The following ADAMTS12 variants were observed in gnomAD, a reference collection of about 807,000 sequenced individuals.
The protein encoded by ADAMTS12 is A disintegrin and metalloproteinase with thrombospondin motifs 12.
A neutral mutation model predicts 167.8 loss-of-function variants in ADAMTS12; 118 were observed. The observed-to-expected ratio is 0.70, with a 90% CI of 0.61 to 0.82. The LOEUF is 0.82. ADAMTS12 is among the 40% of genes least tolerant of loss of function. ADAMTS12 has a pLI of 0.00. For synonymous variants in ADAMTS12, 704 were observed against 716.9 expected, an observed-to-expected ratio of 0.98 and a Z score of 0.29; for missense variants, 1,916 against 1,998.8, an observed-to-expected ratio of 0.96 and a Z score of 0.79.
At chr5:33,601,666 T>C (rs73080338) in intron 16 of ADAMTS12, among the ~76,000 whole-genome samples, 2,828 of 152,238 alleles carry the variant, frequency 0.019, 96 homozygotes, top group African/African-American at 0.064. Context: ...ACATTGACAT[T>C]GACTTCAATA....
intron 17 of ADAMTS12, among the ~76,000 whole-genome samples, chr5:33,592,194 A>T (rs1747677922): frequency 6.6e-6 from 1 of 152,094 alleles, no homozygotes; most frequent in Admixed American, 6.6e-5. Flanking sequence ...GCGCCATTGC[A>T]CTCCAGCCCG....
At chr5:33,815,495 C>G (rs982077704) in intron 2 of ADAMTS12, among the ~76,000 whole-genome samples, 3 of 152,216 alleles carry the variant, frequency 2.0e-5, no homozygotes, top group Non-Finnish European at 4.4e-5. Context: ...CCTGACCATC[C>G]TGGTGCCCTG....
intron 13 of ADAMTS12, among the ~76,000 whole-genome samples, chr5:33,628,509 T>A (rs1417926083): frequency 6.6e-6 from 1 of 152,178 alleles, no homozygotes; most frequent in Non-Finnish European, 1.5e-5. Flanking sequence ...GACAATAGAA[T>A]CTGCAACTCT....
At chr5:33,587,506 G>A (rs111469393) in intron 18 of ADAMTS12, among the ~76,000 whole-genome samples, 3 of 152,252 alleles carry the variant, frequency 2.0e-5, no homozygotes, top group African/African-American at 7.2e-5. Flanking sequence ...CTAGGCTGGA[G>A]TACAGTGGCA....
In ADAMTS12 at chr5:33,524,647, A is replaced by G. The variant is rs1171569425; in HGVS notation, c.*2541T>C. The G allele has an allele frequency of 1.3e-5, 2 of 152,236 alleles. No individual in the cohort carries two copies. The highest frequency in any genetic ancestry group is 2.4e-5 in the African/African-American group (1 of 41,474). The allele number at this position is 152,236 out of a possible 1,614,324, so 9.4% of individuals were successfully genotyped here. A position where few individuals can be genotyped will look rare whatever the true frequency, so the allele number is the denominator to read the frequency against. On this transcript the variant is annotated 3_prime_UTR_variant, in exon 24 of 24. Coordinates refer to ENST00000504830, the MANE Select transcript of ADAMTS12 (RefSeq NM_030955.4). ...CCTCTTGTACAGCAAGCACTGGGACATGTCAAAATACTGACGACTCATCAC... is the reference window on the plus strand; with the variant it reads ...CCTCTTGTACAGCAAGCACTGGGACGTGTCAAAATACTGACGACTCATCAC...
At chr5:33,882,936 T>C (rs1750503906) in intron 1 of ADAMTS12, among the ~76,000 whole-genome samples, 1 of 152,226 alleles carries the variant, frequency 6.6e-6, no homozygotes, top group Admixed American at 6.5e-5. Context: ...TCAGTTGTAG[T>C]TTTGCACTTT....
At chr5:33,586,824 T>C (rs1747376542) in intron 18 of ADAMTS12, among the ~76,000 whole-genome samples, 1 of 152,200 alleles carries the variant, frequency 6.6e-6, no homozygotes. Flanking sequence ...ATGCCGTGAT[T>C]ATACTCTCCC....
chr5:33,784,700 A>G (rs1579933241), intron 2 of ADAMTS12, among the ~76,000 whole-genome samples: 1 of 152,144 alleles, frequency 6.6e-6, no homozygotes, highest in South Asian at 2.1e-4. Context: ...AAGAATTTCT[A>G]AATAGTTAGA....
At chr5:33,741,935 A>G (rs1022797951) in intron 3 of ADAMTS12, among the ~76,000 whole-genome samples, 14 of 152,314 alleles carry the variant, frequency 9.2e-5, no homozygotes, top group Non-Finnish European at 1.9e-4. Context: ...TTTGGGGGGA[A>G]CATTTCTAAA....
chr5:33,658,367 A>G (rs1741136243), intron 6 of ADAMTS12, 34 bp from the exon 7 acceptor site: 1 of 1,605,296 alleles, frequency 6.2e-7, no homozygotes, highest in Non-Finnish European at 8.5e-7. Flanking sequence ...TAAGGCGCCC[A>G]AAGGAACATC....
At chr5:33,600,311 C>T (rs1738125769) in intron 16 of ADAMTS12, among the ~76,000 whole-genome samples, 1 of 152,196 alleles carries the variant, frequency 6.6e-6, no homozygotes, top group Non-Finnish European at 1.5e-5. Context: ...GAACGTCTTC[C>T]TGTACTCTAA....
chr5:33,794,428 AT>A (rs1746694965), intron 2 of ADAMTS12, among the ~76,000 whole-genome samples: 2 of 152,292 alleles, frequency 1.3e-5, no homozygotes, highest in South Asian at 4.1e-4. Context: ...AGCAGGCAAG[AT>A]GGTGCTGAGC....
At chr5:33,712,814 C>T (rs1178459040) in intron 3 of ADAMTS12, among the ~76,000 whole-genome samples, 1 of 152,066 alleles carries the variant, frequency 6.6e-6, no homozygotes, top group Non-Finnish European at 1.5e-5. Flanking sequence ...ATGCTGTCCT[C>T]CTGAACACTG....
chr5:33,709,221 G>A (rs988849690), intron 3 of ADAMTS12, among the ~76,000 whole-genome samples: 5 of 152,320 alleles, frequency 3.3e-5, no homozygotes, highest in African/African-American at 1.2e-4. Context: ...TGGTGAGGCT[G>A]TGGAGAAATA....
chr5:33,575,428 C>CA (rs201490084), intron 19 of ADAMTS12, among the ~76,000 whole-genome samples: 523 of 151,402 alleles, frequency 3.5e-3, no homozygotes, highest in Middle Eastern at 6.8e-3. Context: ...TTCTGTAGGC[C>CA]AAAAAAAAGG....
At chr5:33,644,962 C>T (rs1275394599) in intron 9 of ADAMTS12, among the ~76,000 whole-genome samples, 1 of 152,000 alleles carries the variant, frequency 6.6e-6, no homozygotes, top group African/African-American at 2.4e-5. Context: ...GATCTCCTGA[C>T]CTCGTGATCT....
rs539731351 is a variant in ADAMTS12, at chr5:33,736,787, C to A, written c.634+14617G>T. 1.1e-4 allele frequency among the ~76,000 whole-genome samples: 17 copies of A among 152,300 alleles called. No individual in the cohort carries two copies. The South Asian group carries it at 3.5e-3, about 32-fold the overall frequency. ...TCAGAACCGGTCTCCATACTGTGAT[C>A]TGCTGGGGAACAGCAGGGTAAGCCC... On this transcript the variant is annotated intron_variant, in intron 3 of 23. Coordinates refer to ENST00000504830, the MANE Select transcript of ADAMTS12 (RefSeq NM_030955.4).
intron 2 of ADAMTS12, among the ~76,000 whole-genome samples, chr5:33,766,406 G>A (rs1272466827): frequency 1.3e-5 from 2 of 152,094 alleles, no homozygotes; most frequent in Non-Finnish European, 1.5e-5. Flanking sequence ...TCAAGCTAAG[G>A]AGACATGACA....
At chr5:33,878,025 T>A (rs6894957) in intron 2 of ADAMTS12, among the ~76,000 whole-genome samples, 74,285 of 152,054 alleles carry the variant, frequency 0.49, 20,510 homozygotes, top group African/African-American at 0.74. Flanking sequence ...AAGGGCTTAG[T>A]GCCAGCAGAT....
Sources: gnomAD v4.1 joint callset for allele counts (sites outside exome capture counted in the v4.1 genomes callset) on GRCh38, gnomAD v4.1.1 for gene constraint, MANE v1.5 for transcripts, NCBI Gene and HGNC (gene_info 2026-07-23, HGNC 2026-07-21) for gene names.